Variants in PTCD3 observed in about 807,000 individuals in gnomAD.
PTCD3 encodes small ribosomal subunit protein mS39.
Under a neutral mutation model 101.9 loss-of-function variants are expected in PTCD3, and 89 were observed. The observed-to-expected ratio is 0.87, with a 90% CI of 0.74 to 1.04. The LOEUF (loss-of-function observed/expected upper bound fraction) is 1.04, where lower values mean the gene tolerates loss of function less well. Among genes scored for constraint, PTCD3 ranks in the 50% least tolerant of loss-of-function variants. The pLI, the probability that PTCD3 is intolerant of heterozygous loss-of-function variation, is 0.00. For synonymous variants in PTCD3, 296 were observed against 278.5 expected, an observed-to-expected ratio of 1.06 and a Z score of -0.63; for missense variants, 870 against 828.2, an observed-to-expected ratio of 1.05 and a Z score of -0.62.
In PTCD3 at chr2:86,128,004, T is replaced by C; in HGVS notation, c.1147+13T>C. On this transcript the variant is annotated intron_variant, in intron 14 of 23. Transcript: ENST00000254630. Reference sequence around the variant, plus strand: ...TTTGATCAACCTGGTATGTATGGCCTTAAATTGTGTTAATTTATATAGAAA... The same window carrying C: ...TTTGATCAACCTGGTATGTATGGCCCTAAATTGTGTTAATTTATATAGAAA... 1 of 1,575,022 alleles carries C rather than the reference T, an allele frequency of 6.3e-7. No individual in the cohort carries two copies. The highest frequency in any genetic ancestry group is 1.1e-5 in the South Asian group (1 of 90,182).
chr2:86,113,000 G>A (rs1000208638), intron 4 of PTCD3, among the ~76,000 whole-genome samples: 1 of 152,128 alleles, frequency 6.6e-6, no homozygotes, highest in Non-Finnish European at 1.5e-5. Context: ...GAGCCTACTG[G>A]TTTGTTTTAA....
At chr2:86,115,970 C>T (rs1031051736) in intron 4 of PTCD3, among the ~76,000 whole-genome samples, 1 of 152,056 alleles carries the variant, frequency 6.6e-6, no homozygotes, top group African/African-American at 2.4e-5. Flanking sequence ...ATGATTCTTA[C>T]CTAGAGTTTA....
intron 22 of PTCD3, 125 bp from the exon 23 acceptor site, chr2:86,136,857 T>A: frequency 2.4e-6 from 3 of 1,253,954 alleles, no homozygotes; most frequent in Non-Finnish European, 3.4e-6. Context: ...AAATAAATGT[T>A]AGACTTCATC....
In PTCD3 at chr2:86,137,576, G is replaced by A. The variant is rs757088972; in HGVS notation, c.*17G>A. ...GGCAAATGAAAGTGGAGATTCAGGA[G>A]CAGCAATGGGTCTCACCATAGCTGC... On this transcript the variant is annotated 3_prime_UTR_variant, in exon 24 of 24. Coordinates refer to ENST00000254630, the MANE Select transcript of PTCD3 (RefSeq NM_017952.6). 15 of 1,494,630 alleles carry A rather than the reference G, an allele frequency of 1.0e-5. No homozygotes were observed. The highest frequency in any genetic ancestry group is 1.3e-5 in the Non-Finnish European group (15 of 1,122,184). 92.6% of individuals were successfully genotyped at this position (1,494,630 alleles called of 1,614,324 possible). A position where few individuals can be genotyped will look rare whatever the true frequency, so the allele number is the denominator to read the frequency against.
At position 86,125,990 on chromosome 2, in the gene PTCD3, G is replaced by T. The variant is rs144203213; in HGVS notation, c.951+110G>T. ...CAAACCTGTAATACCAGCACTTTGG[G>T]AGGCCGAGGCGGGCAGATCACCTGA... On this transcript the variant is annotated intron_variant, in intron 12 of 23. Coordinates refer to ENST00000254630, the MANE Select transcript of PTCD3 (RefSeq NM_017952.6). 1.6e-4 allele frequency: 110 copies of T among 691,796 alleles called. No homozygotes were observed. In the Middle Eastern group the frequency reaches 3.0e-3, roughly 19 times the overall value. 42.9% of individuals were successfully genotyped at this position (691,796 alleles called of 1,614,324 possible).
In PTCD3 at chr2:86,121,530, A is replaced by G. The variant is rs551460460; in HGVS notation, c.590A>G (p.Tyr197Cys). 1.3e-5 allele frequency: 21 copies of G among 1,611,762 alleles called. No homozygotes were observed. The South Asian group carries it at 2.3e-4, about 18-fold the overall frequency. Residue 197 changes from tyrosine (Y) to cysteine (C), a missense_variant, in exon 8 of 24, where the codon TAC (tyrosine) becomes TGC (cysteine). Coordinates refer to ENST00000254630, the MANE Select transcript of PTCD3 (RefSeq NM_017952.6). The stretch of plus-strand genomic sequence containing the variant: ...AATAGTCTCTTGGATTTATTGTGTT[A>G]CTATGGTGACCAGGAGCCCTCAACT... ...TTNSLLDLLCYYGDQEPSTDY... is the reference protein window; with the variant it reads ...TTNSLLDLLCCYGDQEPSTDY...
In PTCD3 at chr2:86,136,561, A is replaced by G. The variant is rs750045331; in HGVS notation, c.1819A>G (p.Arg607Gly). 4.3e-6 allele frequency: 7 copies of G among 1,611,978 alleles called. No homozygotes were observed. The highest frequency in any genetic ancestry group is 1.6e-4 in the Middle Eastern group (1 of 6,080). ...GLFRKHNKIPRSELLNELMDS... is the reference protein window; with the variant it reads ...GLFRKHNKIPGSELLNELMDS... ...TTTCAGGAAGCATAATAAGATTCCT[A>G]GGTAAGTTGAAATCAGCCAGCTCTC... is the stretch of plus-strand genomic sequence containing the variant. Residue 607 changes from arginine to glycine, a missense_variant and splice_region_variant, in exon 22 of 24, where the codon AGA becomes GGA. Coordinates refer to ENST00000254630, the MANE Select transcript of PTCD3 (RefSeq NM_017952.6).
intron 1 of PTCD3, among the ~76,000 whole-genome samples, chr2:86,106,586 T>C (rs1039513503): frequency 7.9e-5 from 12 of 152,210 alleles, no homozygotes; most frequent in African/African-American, 4.8e-5. Flanking sequence ...GTTAACACCA[T>C]CCGCAAAGCT....
rs1674561678 is a variant in PTCD3, at chr2:86,135,071, C to G, written c.1778+84C>G. ...TGGCCCACGCTGGTAGAGGTTCTTTCATTTGGCCACATAACACGTATTTGA... is the reference window on the plus strand; with the variant it reads ...TGGCCCACGCTGGTAGAGGTTCTTTGATTTGGCCACATAACACGTATTTGA... On this transcript the variant is annotated intron_variant, in intron 21 of 23. Coordinates refer to ENST00000254630, the MANE Select transcript of PTCD3 (RefSeq NM_017952.6). The G allele has an allele frequency of 8.3e-6, 12 of 1,443,474 alleles. No individual in the cohort carries two copies. The South Asian group carries it at 1.6e-4, about 19-fold the overall frequency. The allele number at this position is 1,443,474 out of a possible 1,614,324, so 89.4% of individuals were successfully genotyped here. A position where few individuals can be genotyped will look rare whatever the true frequency, so the allele number is the denominator to read the frequency against.
intron 20 of PTCD3, 87 bp from the exon 21 acceptor site, chr2:86,134,752 C>G (rs1245435847): frequency 6.9e-7 from 1 of 1,450,472 alleles, no homozygotes; most frequent in African/African-American, 1.4e-5. Context: ...ATGCATTGCT[C>G]AGATTTTAAG....
rs753008173 is a variant in PTCD3 at position 86,127,193 on chromosome 2, G to GAAACCA, written c.987_992dup (p.Lys329_Pro330dup). 6 of 1,613,554 alleles carry GAAACCA rather than the reference G, an allele frequency of 3.7e-6. No individual in the cohort carries two copies. The East Asian group carries it at 1.3e-4, about 36-fold the overall frequency. ...TAAGACACATGGTTGCACAGAAGGTGAAACCAAATCTTCAGACTTTTAATA... is the reference window on the plus strand; with the variant it reads ...TAAGACACATGGTTGCACAGAAGGTGAAACCAAAACCAAATCTTCAGACTTTTAATA... On this transcript the variant is annotated inframe_insertion, in exon 13 of 24. Transcript: ENST00000254630.
Position 86,121,614 on chromosome 2 carries a change from A to ATTT in PTCD3, c.654+29_654+31dup. ...GCATTGGTAATAACTGTTGGCCTTG[A>ATTT]TTTTTTTTTTTCCTTAAGCTTCTTT... On this transcript the variant is annotated intron_variant, in intron 8 of 23. Transcript: ENST00000254630. The ATTT allele has an allele frequency of 1.6e-6, 2 of 1,258,102 alleles. No homozygotes were observed. Among genetic ancestry groups the ATTT allele is most frequent in the South Asian group, 1.5e-5 (1 of 66,734 alleles). 77.9% of individuals were successfully genotyped at this position (1,258,102 alleles called of 1,614,324 possible).
At chr2:86,126,213 G>T (rs1674384772) in intron 12 of PTCD3, among the ~76,000 whole-genome samples, 1 of 134,254 alleles carries the variant, frequency 7.4e-6, no homozygotes. Flanking sequence ...CTGGGCAACA[G>T]AGCAAGACTC....
At chr2:86,133,323 A>T (rs1674526128) in intron 18 of PTCD3, 23 bp from the exon 19 acceptor site, 1 of 1,613,988 alleles carries the variant, frequency 6.2e-7, no homozygotes, top group Non-Finnish European at 8.5e-7. Flanking sequence ...TTAATGCTTT[A>T]AAAATGTGTT....
At chr2:86,124,879 A>G (rs1345972549) in intron 9 of PTCD3, 116 bp from the exon 10 acceptor site, 2 of 1,346,538 alleles carry the variant, frequency 1.5e-6, no homozygotes, top group Non-Finnish European at 2.0e-6. Flanking sequence ...GAATTGAGAT[A>G]ATGTATAGAA....
intron 21 of PTCD3, 134 bp from the exon 22 acceptor site, chr2:86,136,387 T>C (rs1337640288): frequency 1.2e-6 from 1 of 823,370 alleles, no homozygotes; most frequent in African/African-American, 1.7e-5. Flanking sequence ...AGCCCACAGA[T>C]GTGTGTCTTT....
At chr2:86,125,555 C>T (rs1573854566) in intron 11 of PTCD3, 40 bp downstream of exon 11, 4 of 1,552,094 alleles carry the variant, frequency 2.6e-6, no homozygotes, top group Non-Finnish European at 3.6e-6. Flanking sequence ...TCTCCATTTC[C>T]TTCTTTTAAT....
rs1674282644 is a variant in PTCD3 at position 86,121,561 on chromosome 2, C to T, written c.621C>T (p.Tyr207=). ...YYGDQEPSTD[Y]HFQQTGQSEA... Reference sequence around the variant, plus strand: ...GTGACCAGGAGCCCTCAACTGATTACCATTTTCAACAAACTGGACAGTCAG... The same window carrying T: ...GTGACCAGGAGCCCTCAACTGATTATCATTTTCAACAAACTGGACAGTCAG... Residue 207 remains tyrosine (Y), a synonymous_variant, in exon 8 of 24, where the codon TAC becomes TAT. Coordinates refer to ENST00000254630, the MANE Select transcript of PTCD3 (RefSeq NM_017952.6). 6.2e-7 allele frequency: 1 copy of T among 1,609,914 alleles called. No homozygotes were observed. The highest frequency in any genetic ancestry group is 1.3e-5 in the African/African-American group (1 of 74,794).
Position 86,133,168 on chromosome 2 carries a change from T to C in PTCD3, c.1374-10T>C, listed in dbSNP as rs755597420. The C allele has an allele frequency of 1.9e-5, 30 of 1,612,356 alleles. No individual in the cohort carries two copies. The South Asian group carries it at 2.9e-4, about 15-fold the overall frequency. On this transcript the variant is annotated splice_polypyrimidine_tract_variant and intron_variant, in intron 17 of 23. Transcript: ENST00000254630. ...CTTTAGACTAAACATACTTTTTGCC[T>C]TCATCACAGTTCCAAGTTCTTCGAT... is the stretch of plus-strand genomic sequence containing the variant.
Sources: gnomAD v4.1 joint callset for allele counts (sites outside exome capture counted in the v4.1 genomes callset) on GRCh38, gnomAD v4.1.1 for gene constraint, MANE v1.5 for transcripts, NCBI Gene and HGNC (gene_info 2026-07-23, HGNC 2026-07-21) for gene names.